ANKS1B: variants seen among roughly 807,000 people sequenced by gnomAD.
ANKS1B encodes ankyrin repeat and sterile alpha motif domain containing 1B, also known as ankyrin repeat and sterile alpha motif domain-containing protein 1B.
ANKS1B carries 36 observed loss-of-function variants against 148.3 expected under a neutral mutation model. The ratio of observed to expected loss-of-function variants is 0.24; its 90% CI spans 0.19 to 0.32. The LOEUF (loss-of-function observed/expected upper bound fraction) is 0.32, where lower values mean the gene tolerates loss of function less well. ANKS1B is among the 10% of genes least tolerant of loss of function. The pLI is 1.00. For missense variants in ANKS1B, 1,157 were observed against 1,542.6 expected (o/e 0.75, Z 4.19); for synonymous variants, 542 against 560.8 (o/e 0.97, Z 0.47).
chr12:99,326,595 C>G (rs1436017490), intron 12 of ANKS1B, among the ~76,000 whole-genome samples: 2 of 152,054 alleles, frequency 1.3e-5, no homozygotes, highest in African/African-American at 2.4e-5. Flanking sequence ...TTGTTAAATT[C>G]CCAGTACAGG....
chr12:99,619,871 C>A (rs982978700), intron 9 of ANKS1B, among the ~76,000 whole-genome samples: 4 of 152,124 alleles, frequency 2.6e-5, no homozygotes, highest in South Asian at 4.1e-4. Context: ...CATTGGAGGA[C>A]CTGTTGGCAG....
At chr12:99,513,353 T>C (rs1359168861) in intron 9 of ANKS1B, among the ~76,000 whole-genome samples, 1 of 152,058 alleles carries the variant, frequency 6.6e-6, no homozygotes, top group African/African-American at 2.4e-5. Flanking sequence ...AGTCACTGTA[T>C]TGTGGTGGTT....
intron 1 of ANKS1B, among the ~76,000 whole-genome samples, chr12:99,870,302 C>A (rs2091340038): frequency 6.6e-6 from 1 of 152,114 alleles, no homozygotes. Context: ...TATAGTATTC[C>A]ACTGTATATA....
At chr12:99,925,247 G>A (rs2094455094) in intron 1 of ANKS1B, among the ~76,000 whole-genome samples, 1 of 152,152 alleles carries the variant, frequency 6.6e-6, no homozygotes, top group African/African-American at 2.4e-5. Context: ...AAGCTTGGGA[G>A]CTTACCTGTA....
At chr12:98,794,392 CAAAAAAAAAA>C (rs571692746) in intron 22 of ANKS1B, 2,481 of 84,128 alleles carry the variant, frequency 0.029, 69 homozygotes, top group African/African-American at 0.12. Context: ...AACTCTGTCT[CAAAAAAAAAA>C]AAAAAAAAAA....
intron 12 of ANKS1B, among the ~76,000 whole-genome samples, chr12:99,253,828 C>G (rs1192289918): frequency 1.3e-5 from 2 of 152,080 alleles, no homozygotes; most frequent in African/African-American, 4.8e-5. Flanking sequence ...AGTAATGGAA[C>G]AAATCAAAAT....
intron 9 of ANKS1B, among the ~76,000 whole-genome samples, chr12:99,592,029 A>G (rs990219254): frequency 6.6e-6 from 1 of 152,188 alleles, no homozygotes; most frequent in Non-Finnish European, 1.5e-5. Context: ...ACTATACTCA[A>G]ATGTACTGAA....
rs1006826608 is a variant in ANKS1B, at chr12:99,141,467, G to A, written c.2526+12822C>T. Among the ~76,000 whole-genome samples the A allele has an allele frequency of 3.3e-5, 5 of 149,872 alleles. No individual in the cohort carries two copies. The South Asian group carries it at 1.1e-3, about 32-fold the overall frequency. On this transcript the variant is annotated intron_variant, in intron 15 of 26. Transcript: ENST00000683438. ...CTAGGGTATATGTATAGGATGTGCA[G>A]GTTTGTTACATAGGTAAATGTATGT...
At chr12:99,962,144 C>T (rs1440206032) in intron 1 of ANKS1B, among the ~76,000 whole-genome samples, 1 of 152,046 alleles carries the variant, frequency 6.6e-6, no homozygotes, top group African/African-American at 2.4e-5. Context: ...CATAGGTATA[C>T]ATGTGCCATG....
chr12:99,004,740 G>C (rs1431692767), intron 17 of ANKS1B, among the ~76,000 whole-genome samples: 1 of 152,014 alleles, frequency 6.6e-6, no homozygotes, highest in Non-Finnish European at 1.5e-5. Context: ...TATTGGCCAT[G>C]TGTGGTCCAG....
At chr12:99,414,760 A>G (rs2094840017) in intron 11 of ANKS1B, among the ~76,000 whole-genome samples, 1 of 152,208 alleles carries the variant, frequency 6.6e-6, no homozygotes, top group Non-Finnish European at 1.5e-5. Context: ...GCAACAAACC[A>G]CCATAGCACA....
chr12:99,757,965 T>C (rs549001240), intron 8 of ANKS1B, among the ~76,000 whole-genome samples: 2 of 151,880 alleles, frequency 1.3e-5, no homozygotes, highest in African/African-American at 4.8e-5. Context: ...AGGGAGAGTA[T>C]TGGGAAAAAC....
At chr12:99,909,249 T>C (rs1013555127) in intron 1 of ANKS1B, among the ~76,000 whole-genome samples, 3 of 151,476 alleles carry the variant, frequency 2.0e-5, no homozygotes, top group African/African-American at 4.9e-5. Context: ...TGTGTGTGTG[T>C]GTGTGTGTGT....
At chr12:99,474,823 T>G (rs1267122899) in intron 10 of ANKS1B, among the ~76,000 whole-genome samples, 1 of 152,106 alleles carries the variant, frequency 6.6e-6, no homozygotes, top group Non-Finnish European at 1.5e-5. Flanking sequence ...AACATTGTCT[T>G]GAAGGTTCTA....
intron 9 of ANKS1B, among the ~76,000 whole-genome samples, chr12:99,550,191 C>T (rs1308834866): frequency 6.6e-6 from 1 of 152,170 alleles, no homozygotes; most frequent in East Asian, 1.9e-4. Flanking sequence ...TAACATTTCT[C>T]TCAGTGTCTT....
intron 15 of ANKS1B, among the ~76,000 whole-genome samples, chr12:99,099,101 T>C (rs1391260002): frequency 1.3e-5 from 2 of 152,140 alleles, no homozygotes; most frequent in African/African-American, 2.4e-5. Context: ...AGTCCTAAAA[T>C]TGCTGCCATC....
At chr12:99,010,019 A>G (rs993102170) in intron 17 of ANKS1B, among the ~76,000 whole-genome samples, 1 of 152,168 alleles carries the variant, frequency 6.6e-6, no homozygotes, top group African/African-American at 2.4e-5. Context: ...AGGGGCCAGG[A>G]GCGTGGAGGG....
At chr12:99,918,235 A>AG (rs368906457) in intron 1 of ANKS1B, among the ~76,000 whole-genome samples, 7 of 152,336 alleles carry the variant, frequency 4.6e-5, no homozygotes, top group African/African-American at 1.4e-4. Flanking sequence ...GTGGGAACTA[A>AG]GGGGTAGAAG....
chr12:98,769,300 C>T (rs914727315), intron 25 of ANKS1B, among the ~76,000 whole-genome samples: 1 of 148,128 alleles, frequency 6.8e-6, no homozygotes, highest in African/African-American at 2.5e-5. Context: ...AATCCATGCT[C>T]AAAGAAGCTT....
Sources: allele counts gnomAD v4.1 joint callset (sites outside exome capture counted in the v4.1 genomes callset), GRCh38; gene constraint gnomAD v4.1.1; transcripts MANE v1.5; gene names NCBI Gene and HGNC (gene_info 2026-07-23, HGNC 2026-07-21).